The following CACNA1C variants were observed in gnomAD, a reference collection of about 807,000 sequenced individuals.
CACNA1C encodes calcium voltage-gated channel subunit alpha1 C, also known as voltage-dependent L-type calcium channel subunit alpha-1C.
In CACNA1C, 30 loss-of-function variants were observed where a neutral mutation model predicts 229.0. That is an observed-to-expected ratio of 0.13 (90% CI 0.10 to 0.18). The LOEUF (loss-of-function observed/expected upper bound fraction) is 0.18. Ranked by LOEUF, CACNA1C falls within the 10% of genes least tolerant of loss-of-function variation. CACNA1C has a pLI of 1.00. For synonymous variants in CACNA1C, 1,114 were observed against 1,132.5 expected, an observed-to-expected ratio of 0.98 and a Z score of 0.33; for missense variants, 1,658 against 2,845.0, an observed-to-expected ratio of 0.58 and a Z score of 9.49.
At chr12:1,999,137 A>G (rs1593375382) in intron 1 of CACNA1C, among the ~76,000 whole-genome samples, 2 of 152,200 alleles carry the variant, frequency 1.3e-5, no homozygotes, top group South Asian at 2.1e-4. Flanking sequence ...TCCTGCCCAA[A>G]CCTACTGAAT....
intron 18 of CACNA1C, among the ~76,000 whole-genome samples, chr12:2,586,584 T>A (rs1224661522): frequency 1.3e-5 from 2 of 152,236 alleles, no homozygotes; most frequent in Non-Finnish European, 2.9e-5. Context: ...ATCGCCAGTT[T>A]CAAGCTTGAA....
intron 3 of CACNA1C, among the ~76,000 whole-genome samples, chr12:2,201,670 G>A (rs1287600993): frequency 6.6e-6 from 1 of 152,174 alleles, no homozygotes; most frequent in East Asian, 1.9e-4. Flanking sequence ...GGCTGCAAGT[G>A]TCCTCATGAC....
At chr12:2,116,886 T>G (rs1017921573) in intron 2 of CACNA1C, among the ~76,000 whole-genome samples, 1 of 152,180 alleles carries the variant, frequency 6.6e-6, no homozygotes, top group Non-Finnish European at 1.5e-5. Context: ...ATCGATGAGT[T>G]TCTATGGAAA....
chr12:2,200,734 T>C (rs1026556914), intron 3 of CACNA1C, among the ~76,000 whole-genome samples: 10 of 152,192 alleles, frequency 6.6e-5, no homozygotes, highest in African/African-American at 2.4e-4. Context: ...TGGGAGTTAC[T>C]TAGATCGACG....
chr12:2,668,558 T>C (rs113690208), intron 37 of CACNA1C: 6,160 of 225,678 alleles, frequency 0.027, 383 homozygotes, highest in African/African-American at 0.12. Flanking sequence ...ACAGGAAGCA[T>C]GGCACTAGCA....
chr12:2,226,693 C>G (rs2063111890), intron 3 of CACNA1C, among the ~76,000 whole-genome samples: 2 of 152,190 alleles, frequency 1.3e-5, no homozygotes, highest in Admixed American at 1.3e-4. Flanking sequence ...GCTAGCAAGC[C>G]AGGAACTTGT....
chr12:2,569,965 AAG>A (rs1287044068), intron 13 of CACNA1C, among the ~76,000 whole-genome samples: 3 of 152,228 alleles, frequency 2.0e-5, no homozygotes, highest in African/African-American at 7.2e-5. Flanking sequence ...TTTTTAAAGA[AAG>A]AATGAAATAG....
rs886049205 is a variant in CACNA1C, at chr12:2,668,929, G to A, written c.4624-4G>A. The A allele has an allele frequency of 5.0e-6, 8 of 1,610,080 alleles. No individual in the cohort carries two copies. Among genetic ancestry groups the A allele is most frequent in the South Asian group, 1.1e-5 (1 of 90,996 alleles). ...TCACCAGCTTTGCTTCTCTTCGCCT[G>A]CAGCGCCTGGTCTCCATGAACATGC... On this transcript the variant is annotated splice_polypyrimidine_tract_variant and splice_region_variant and intron_variant, in intron 37 of 46. Transcript: ENST00000399655.
intron 34 of CACNA1C, among the ~76,000 whole-genome samples, chr12:2,662,149 G>T (rs934460279): frequency 2.0e-5 from 3 of 151,924 alleles, no homozygotes; most frequent in Non-Finnish European, 2.9e-5. Flanking sequence ...GGCTAAGGTG[G>T]GAGAATCTCT....
At chr12:2,635,581 CAGTT>C (rs1353893414) in intron 30 of CACNA1C, among the ~76,000 whole-genome samples, 2 of 148,318 alleles carry the variant, frequency 1.3e-5, no homozygotes, top group Admixed American at 6.9e-5. Flanking sequence ...TGCTCTCAGT[CAGTT>C]ACACTGCCGT....
At position 2,601,802 on chromosome 12, in the gene CACNA1C, T is replaced by TGGGCTA. The variant is rs1458455626; in HGVS notation, c.2854-41_2854-36dup. 23 of 1,211,664 alleles carry TGGGCTA rather than the reference T, an allele frequency of 1.9e-5. No individual in the cohort carries two copies. Among genetic ancestry groups the TGGGCTA allele is most frequent in the Non-Finnish European group, 2.8e-5 (23 of 813,210 alleles). The allele number at this position is 1,211,664 out of a possible 1,614,324, so 75.1% of individuals were successfully genotyped here. ...AGGAAGGGGTGGTGTGAGGGGTCTC[T>TGGGCTA]GGGCTAGGGCTAGGGCCACTCACAC... On this transcript the variant is annotated intron_variant, in intron 21 of 46. Coordinates refer to ENST00000399655, the MANE Select transcript of CACNA1C (RefSeq NM_000719.7). This position sits in a 1 kb window ranked among gnomAD's most constrained non-coding sequence, Gnocchi z 5.9.
At chr12:2,615,473 G>A (rs2079967793) in intron 29 of CACNA1C, among the ~76,000 whole-genome samples, 1 of 152,224 alleles carries the variant, frequency 6.6e-6, no homozygotes, top group South Asian at 2.1e-4. Flanking sequence ...TCATGTTCCT[G>A]AATTGGAAAG....
At position 2,630,656 on chromosome 12, in the gene CACNA1C, C is replaced by T. The variant is rs1206260474; in HGVS notation, c.3829-3641C>T. On this transcript the variant is annotated intron_variant, in intron 29 of 46. Transcript: ENST00000399655. This position sits in a 1 kb window ranked among gnomAD's most constrained non-coding sequence, Gnocchi z 5.4. ...GATGGGTCAGGGTGAAGAGCTGCCT[C>T]TTAAAGGGACCCTGTTTGTGCCCAG... 6.6e-6 allele frequency among the ~76,000 whole-genome samples: 1 copy of T among 152,142 alleles called. No individual in the cohort carries two copies. The highest frequency in any genetic ancestry group is 2.4e-5 in the African/African-American group (1 of 41,428).
At chr12:2,257,393 A>G (rs1383100417) in intron 3 of CACNA1C, among the ~76,000 whole-genome samples, 1 of 152,154 alleles carries the variant, frequency 6.6e-6, no homozygotes, top group Non-Finnish European at 1.5e-5. Flanking sequence ...CAATTTTTCC[A>G]TGGAGGACCG....
At chr12:2,316,985 TAAACA>T (rs1473064757) in intron 3 of CACNA1C, among the ~76,000 whole-genome samples, 35 of 152,320 alleles carry the variant, frequency 2.3e-4, no homozygotes, top group Non-Finnish European at 1.9e-4. Context: ...ATTTTCTTAT[TAAACA>T]AAACAAAACA....
chr12:2,428,893 G>A (rs1567625731), intron 3 of CACNA1C, among the ~76,000 whole-genome samples: 2 of 152,194 alleles, frequency 1.3e-5, no homozygotes, highest in East Asian at 3.8e-4. Context: ...AGCATCTTAG[G>A]TGATGTCCTT....
intron 2 of CACNA1C, among the ~76,000 whole-genome samples, chr12:2,117,942 A>ATGGGT (rs2084746119): frequency 1.3e-5 from 2 of 152,208 alleles, no homozygotes; most frequent in African/African-American, 2.4e-5. Flanking sequence ...GTTCTTCTTG[A>ATGGGT]AGAAGTGGAA....
chr12:2,507,257 G>C (rs1234261822), intron 8 of CACNA1C, among the ~76,000 whole-genome samples: 2 of 152,124 alleles, frequency 1.3e-5, no homozygotes, highest in African/African-American at 2.4e-5. Context: ...ATCTGCCAAG[G>C]CTTCCTTGGC....
At position 2,654,750 on chromosome 12, in the gene CACNA1C, C is replaced by T. The variant is rs1428511117; in HGVS notation, c.4141-397C>T. ...TTGCCCTAGCCTCAGATCACTCACT[C>T]CACATCACTCCAAAATGCAAGAACT... On this transcript the variant is annotated intron_variant, in intron 33 of 46. Transcript: ENST00000399655. The surrounding 1 kb of genome is among the most constrained non-coding windows in gnomAD (Gnocchi z 4.4). Among the ~76,000 whole-genome samples, 1 of 152,208 alleles carries T rather than the reference C, an allele frequency of 6.6e-6. No homozygotes were observed. Among genetic ancestry groups the T allele is most frequent in the Non-Finnish European group, 1.5e-5 (1 of 68,030 alleles).
Sources: allele counts gnomAD v4.1 joint callset (sites outside exome capture counted in the v4.1 genomes callset), GRCh38; gene constraint gnomAD v4.1.1; non-coding constraint Gnocchi (gnomAD v3.1); transcripts MANE v1.5; gene names NCBI Gene and HGNC (gene_info 2026-07-23, HGNC 2026-07-21).